Variants in MEGF11 observed in about 807,000 individuals in gnomAD.
The protein encoded by MEGF11 is multiple EGF like domains 11, also known as multiple epidermal growth factor-like domains protein 11.
MEGF11 carries 126 observed loss-of-function variants against 146.6 expected under a neutral mutation model. The ratio of observed to expected loss-of-function variants is 0.86; its 90% CI spans 0.74 to 1.00. The LOEUF is 1.00. Among genes scored for constraint, MEGF11 ranks in the 50% least tolerant of loss-of-function variants. The pLI is 0.00. For missense variants in MEGF11, 1,509 were observed against 1,521.2 expected (o/e 0.99, Z 0.13); for synonymous variants, 532 against 583.4 (o/e 0.91, Z 1.27).
intron 1 of MEGF11, among the ~76,000 whole-genome samples, chr15:66,186,659 AC>A (rs1226835387): frequency 2.0e-5 from 3 of 152,070 alleles, no homozygotes; most frequent in African/African-American, 7.2e-5. Context: ...TAAGTCAATC[AC>A]CCCTGCTGAG....
chr15:66,196,852 A>C (rs1409765750), intron 1 of MEGF11, among the ~76,000 whole-genome samples: 4 of 152,244 alleles, frequency 2.6e-5, no homozygotes, highest in Non-Finnish European at 5.9e-5. Context: ...AACATGCTAA[A>C]GACAGATGAC....
intron 1 of MEGF11, among the ~76,000 whole-genome samples, chr15:66,224,929 G>A (rs942910859): frequency 2.6e-5 from 4 of 151,978 alleles, no homozygotes; most frequent in African/African-American, 7.2e-5. Context: ...GAGCTGCACA[G>A]TTCTTTCCCC....
At chr15:66,137,995 G>T (rs906198507) in intron 1 of MEGF11, among the ~76,000 whole-genome samples, 2 of 152,170 alleles carry the variant, frequency 1.3e-5, no homozygotes, top group African/African-American at 4.8e-5. Context: ...GGAGTTTGAG[G>T]CTACAGTGAG....
At chr15:65,919,346 GC>G (rs941827502) in intron 15 of MEGF11, among the ~76,000 whole-genome samples, 3 of 152,182 alleles carry the variant, frequency 2.0e-5, no homozygotes, top group African/African-American at 7.2e-5. Context: ...ACAAATACAG[GC>G]ATACCTCAGA....
intron 1 of MEGF11, among the ~76,000 whole-genome samples, chr15:66,245,370 G>A (rs1420026518): frequency 2.0e-5 from 3 of 152,078 alleles, no homozygotes; most frequent in East Asian, 1.9e-4. Flanking sequence ...GCGCACTCCT[G>A]TAATCCCAGC....
chr15:66,244,469 A>G (rs1339602222), intron 1 of MEGF11, among the ~76,000 whole-genome samples: 1 of 152,174 alleles, frequency 6.6e-6, no homozygotes, highest in African/African-American at 2.4e-5. Flanking sequence ...ACAAGGAAAA[A>G]GAGACTGGGA....
intron 10 of MEGF11, among the ~76,000 whole-genome samples, chr15:65,945,044 G>A (rs939040811): frequency 6.6e-6 from 1 of 151,988 alleles, no homozygotes; most frequent in Non-Finnish European, 1.5e-5. Flanking sequence ...GATTACAGGC[G>A]CACACCATGC....
rs67353441 is a variant in MEGF11 at position 65,955,793 on chromosome 15, T to TACACACACACAC, written c.1287+1742_1287+1753dup. Reference sequence around the variant, plus strand: ...ATATATATATATATATATATATATATACACACACACACACACACACAATAC... The same window carrying TACACACACACAC: ...ATATATATATATATATATATATATATACACACACACACACACACACACACACACACACAATAC... On this transcript the variant is annotated intron_variant, in intron 10 of 25. Coordinates refer to ENST00000395614, the MANE Select transcript of MEGF11 (RefSeq NM_001385028.1). Among the ~76,000 whole-genome samples, 49 of 6,762 alleles carry TACACACACACAC rather than the reference T, an allele frequency of 7.2e-3. 3 individuals carry two copies. The highest frequency in any genetic ancestry group is 0.034 in the East Asian group (6 of 174). The allele number at this position is 6,762 out of a possible 152,430, so 4.4% of individuals were successfully genotyped here.
At chr15:66,118,423 C>G (rs551637058) in intron 4 of MEGF11, among the ~76,000 whole-genome samples, 16 of 152,330 alleles carry the variant, frequency 1.1e-4, no homozygotes. Flanking sequence ...CAACTCAGCT[C>G]TTGTCTTTCT....
chr15:66,242,253 T>TA lies in MEGF11; in HGVS notation c.-9+11351dup, dbSNP rs141786130. Among the ~76,000 whole-genome samples the TA allele has an allele frequency of 4.1e-3, 613 of 150,640 alleles. 21 individuals carry two copies. The East Asian group carries it at 0.082, about 20-fold the overall frequency. On this transcript the variant is annotated intron_variant, in intron 1 of 25. Coordinates refer to ENST00000395614, the MANE Select transcript of MEGF11 (RefSeq NM_001385028.1). ...GAGACCCCATCTCTACAAAAAAAAA[T>TA]AAAAAATTATCCTGGCATGCCAGTG...
intron 5 of MEGF11, among the ~76,000 whole-genome samples, chr15:66,016,157 T>C (rs1208261350): frequency 2.0e-5 from 3 of 152,230 alleles, no homozygotes; most frequent in Non-Finnish European, 4.4e-5. Flanking sequence ...ATCATCACTA[T>C]ATGGCCAATC....
Position 66,240,495 on chromosome 15 carries a change from C to T in MEGF11, c.-9+13110G>A, listed in dbSNP as rs116341699. Among the ~76,000 whole-genome samples, 671 of 152,324 alleles carry T rather than the reference C, an allele frequency of 4.4e-3. 9 individuals carry two copies. The highest frequency in any genetic ancestry group is 0.016 in the African/African-American group (652 of 41,570). On this transcript the variant is annotated intron_variant, in intron 1 of 25. Transcript: ENST00000395614. Reference sequence around the variant, plus strand: ...TTTATACGAAGCGATAAAGACCACACCCTGGAACCTCTGTTTTCTAATACG... The same window carrying T: ...TTTATACGAAGCGATAAAGACCACATCCTGGAACCTCTGTTTTCTAATACG...
At chr15:66,017,641 C>G (rs2082935261) in intron 5 of MEGF11, among the ~76,000 whole-genome samples, 2 of 152,322 alleles carry the variant, frequency 1.3e-5, no homozygotes, top group South Asian at 4.1e-4. Context: ...GGGTCACACC[C>G]TTCTCCTCAG....
intron 1 of MEGF11, among the ~76,000 whole-genome samples, chr15:66,161,030 G>C (rs911149459): frequency 5.3e-5 from 8 of 152,178 alleles, no homozygotes; most frequent in African/African-American, 1.9e-4. Flanking sequence ...AGCCACCCTG[G>C]AGGCAGGCCC....
intron 2 of MEGF11, 124 bp from the exon 3 acceptor site, chr15:66,124,124 AC>A: frequency 1.4e-6 from 1 of 707,230 alleles, no homozygotes. Context: ...GGAGGCTCTG[AC>A]CTCCCCCCTC....
At chr15:65,913,075 G>A (rs1397755915) in intron 20 of MEGF11, among the ~76,000 whole-genome samples, 1 of 152,158 alleles carries the variant, frequency 6.6e-6, no homozygotes, top group South Asian at 2.1e-4. Flanking sequence ...TATTTCCAAG[G>A]CAGCAGTCCA....
At chr15:66,224,304 G>A (rs2091799978) in intron 1 of MEGF11, among the ~76,000 whole-genome samples, 1 of 152,156 alleles carries the variant, frequency 6.6e-6, no homozygotes, top group Non-Finnish European at 1.5e-5. Context: ...GCCGAGCACA[G>A]TGGCTCATGT....
chr15:66,206,697 G>A (rs995320026), intron 1 of MEGF11, among the ~76,000 whole-genome samples: 19 of 151,992 alleles, frequency 1.3e-4, no homozygotes, highest in African/African-American at 3.9e-4. Context: ...TCAGGAGTTC[G>A]AGACAAGCCT....
chr15:65,914,810 C>T (rs1045035559), intron 19 of MEGF11, among the ~76,000 whole-genome samples: 9 of 152,340 alleles, frequency 5.9e-5, no homozygotes, highest in African/African-American at 1.9e-4. Flanking sequence ...CCATTTTCAT[C>T]CCCCATCTAG....
Sources: gnomAD v4.1 joint callset for allele counts (sites outside exome capture counted in the v4.1 genomes callset) on GRCh38, gnomAD v4.1.1 for gene constraint, MANE v1.5 for transcripts, NCBI Gene and HGNC (gene_info 2026-07-23, HGNC 2026-07-21) for gene names.